The following TMC1 variants were observed in gnomAD, a reference collection of about 807,000 sequenced individuals.
TMC1 encodes transmembrane channel like 1.
A neutral mutation model predicts 105.8 loss-of-function variants in TMC1; 84 were observed. The observed-to-expected ratio is 0.79, with a 90% confidence interval of 0.67 to 0.95. TMC1 has a LOEUF of 0.95. Ranked by LOEUF, TMC1 falls within the 40% of genes least tolerant of loss-of-function variation. The pLI is 0.00. For synonymous variants in TMC1, 315 were observed against 311.5 expected, an observed-to-expected ratio of 1.01 and a Z score of -0.12; for missense variants, 817 against 914.1, an observed-to-expected ratio of 0.89 and a Z score of 1.37.
intron 13 of TMC1, among the ~76,000 whole-genome samples, chr9:72,780,449 A>C (rs968181914): frequency 5.9e-5 from 9 of 152,206 alleles, no homozygotes; most frequent in Admixed American, 2.0e-4. Context: ...TGCCACATTC[A>C]AAAGGCACAG....
intron 1 of TMC1, among the ~76,000 whole-genome samples, chr9:72,527,261 T>C (rs1416825632): frequency 2.0e-5 from 3 of 152,108 alleles, no homozygotes; most frequent in East Asian, 1.9e-4. Context: ...AAAAGCATGA[T>C]GATTGGGTGT....
intron 2 of TMC1, among the ~76,000 whole-genome samples, chr9:72,582,332 G>T (rs1824488682): frequency 6.6e-6 from 1 of 152,204 alleles, no homozygotes; most frequent in South Asian, 2.1e-4. Context: ...TTAGAAAATT[G>T]TGCTATGCTT....
chr9:72,682,923 A>T (rs1466004730), intron 5 of TMC1, among the ~76,000 whole-genome samples: 1 of 152,158 alleles, frequency 6.6e-6, no homozygotes, highest in Non-Finnish European at 1.5e-5. Flanking sequence ...TTGAGGAAGG[A>T]GGTACCTCCT....
intron 18 of TMC1, among the ~76,000 whole-genome samples, 178 bp downstream of exon 18, chr9:72,805,688 G>GCGGCCTTC (rs1554729040): frequency 1.3e-4 from 20 of 151,716 alleles, no homozygotes; most frequent in Non-Finnish European, 2.8e-4. Context: ...AGAGGACCCT[G>GCGGCCTTC]CGGCCTTCCG....
intron 8 of TMC1, 24 bp from the exon 9 acceptor site, chr9:72,740,095 C>T (rs1374984585): frequency 6.3e-7 from 1 of 1,587,396 alleles, no homozygotes; most frequent in Non-Finnish European, 8.6e-7. Context: ...CCTTTTATCC[C>T]TTATGTTATT....
chr9:72,699,224 C>T (rs945539009), intron 7 of TMC1, among the ~76,000 whole-genome samples: 6 of 152,014 alleles, frequency 3.9e-5, no homozygotes, highest in African/African-American at 1.2e-4. Context: ...AGTTCTGGAC[C>T]GCATAGTGTT....
intron 4 of TMC1, among the ~76,000 whole-genome samples, chr9:72,630,358 T>C (rs1183698765): frequency 6.6e-6 from 1 of 152,230 alleles, no homozygotes; most frequent in Non-Finnish European, 1.5e-5. Context: ...ATAAGCATAT[T>C]TGTGTTTTGC....
intron 4 of TMC1, among the ~76,000 whole-genome samples, chr9:72,631,918 A>G (rs1231175626): frequency 6.6e-6 from 1 of 152,258 alleles, no homozygotes; most frequent in Non-Finnish European, 1.5e-5. Flanking sequence ...GTGAGATGGA[A>G]ATAGATATAG....
chr9:72,729,150 T>C (rs920949260), intron 8 of TMC1, among the ~76,000 whole-genome samples: 5 of 152,152 alleles, frequency 3.3e-5, no homozygotes, highest in Non-Finnish European at 7.3e-5. Flanking sequence ...AATTATTCAC[T>C]AACACCAGCA....
chr9:72,783,117 T>G (rs1009983324), intron 13 of TMC1, among the ~76,000 whole-genome samples: 2 of 152,124 alleles, frequency 1.3e-5, no homozygotes, highest in Non-Finnish European at 2.9e-5. Flanking sequence ...TAGACCGTAT[T>G]AGTCAGGGCT....
At chr9:72,532,633 C>T (rs7047875) in intron 1 of TMC1, among the ~76,000 whole-genome samples, 27,236 of 144,936 alleles carry the variant, frequency 0.19, 2,788 homozygotes, top group Middle Eastern at 0.25. Context: ...ATGATCATGA[C>T]GCTGTGGAAG....
chr9:72,774,395 G>C (rs996975569), intron 13 of TMC1, among the ~76,000 whole-genome samples: 9 of 152,042 alleles, frequency 5.9e-5, no homozygotes, highest in African/African-American at 1.9e-4. Flanking sequence ...AATTATTATT[G>C]AGATATTCTC....
chr9:72,607,580 C>T (rs974509993), intron 2 of TMC1, among the ~76,000 whole-genome samples: 2 of 145,288 alleles, frequency 1.4e-5, no homozygotes, highest in African/African-American at 5.1e-5. Context: ...CGCGCCACTG[C>T]ACTTCAGCCT....
chr9:72,745,707 C>T (rs907065356), intron 10 of TMC1, among the ~76,000 whole-genome samples: 14 of 152,206 alleles, frequency 9.2e-5, no homozygotes, highest in Middle Eastern at 3.4e-3. Flanking sequence ...ATAGGTAAAG[C>T]ATGTATCTGT....
intron 8 of TMC1, among the ~76,000 whole-genome samples, chr9:72,726,765 A>C (rs971498973): frequency 1.3e-5 from 2 of 152,246 alleles, no homozygotes; most frequent in African/African-American, 4.8e-5. Context: ...TAGGTTTAGC[A>C]CTTCTAAATA....
chr9:72,526,357 A>C (rs1256318624), intron 1 of TMC1, among the ~76,000 whole-genome samples: 1 of 152,190 alleles, frequency 6.6e-6, no homozygotes, highest in African/African-American at 2.4e-5. Context: ...TGTGTAGGAC[A>C]ATGGAGAACA....
rs368879221 is a variant in TMC1, at chr9:72,608,245, G to A, written c.-305-8123G>A. 3.3e-5 allele frequency among the ~76,000 whole-genome samples: 5 copies of A among 152,322 alleles called. 1 individual carries two copies. Among genetic ancestry groups the A allele is most frequent in the Admixed American group, 6.5e-5 (1 of 15,292 alleles). ...ATATCTTCTTGCATCTCATCGGCCTGAGTTCACTCATGTTCGTATTCTTCA... is the reference window on the plus strand; with the variant it reads ...ATATCTTCTTGCATCTCATCGGCCTAAGTTCACTCATGTTCGTATTCTTCA... On this transcript the variant is annotated intron_variant, in intron 2 of 23. Transcript: ENST00000297784.
At chr9:72,648,806 G>C in intron 5 of TMC1, 142 bp downstream of exon 5, 1 of 703,626 alleles carries the variant, frequency 1.4e-6, no homozygotes, top group South Asian at 1.6e-5. Context: ...TCTGTGGGTA[G>C]TTTCCCTTTG....
rs764348919 is a variant in TMC1, at chr9:72,820,989, G to T, written c.1911G>T (p.Leu637=). 1.9e-6 allele frequency: 3 copies of T among 1,614,010 alleles called. No individual in the cohort carries two copies. The highest frequency in any genetic ancestry group is 1.3e-5 in the African/African-American group (1 of 74,888). Residue 637 remains leucine (L), a synonymous_variant, in exon 20 of 24, where the codon CTG becomes CTT. Transcript: ENST00000297784. ...FKASRSNNFY[L]GMLLLILFLS... is the part of the protein sequence containing the mutation. ...CTTCCAGATCAAATAACTTCTACCTGGGCATGCTACTGCTCATCCTCTTCC... is the reference window on the plus strand; with the variant it reads ...CTTCCAGATCAAATAACTTCTACCTTGGCATGCTACTGCTCATCCTCTTCC...
Sources: gnomAD v4.1 joint callset for allele counts (sites outside exome capture counted in the v4.1 genomes callset) on GRCh38, gnomAD v4.1.1 for gene constraint, MANE v1.5 for transcripts, NCBI Gene and HGNC (gene_info 2026-07-23, HGNC 2026-07-21) for gene names.